Variants in RUFY4 observed in about 807,000 individuals in gnomAD.
The protein encoded by RUFY4 is RUN and FYVE domain containing 4, also known as RUN and FYVE domain-containing protein 4.
A neutral mutation model predicts 69.0 loss-of-function variants in RUFY4; 73 were observed. The ratio of observed to expected loss-of-function variants is 1.06; its 90% CI spans 0.88 to 1.29. RUFY4 has a LOEUF of 1.29. RUFY4 is among the 50% of genes most tolerant of loss of function. RUFY4 has a pLI of 0.00. For missense variants in RUFY4, 770 were observed against 705.6 expected, an observed-to-expected ratio of 1.09 and a Z score of -1.03; for synonymous variants, 287 against 271.8, an observed-to-expected ratio of 1.06 and a Z score of -0.55.
At chr2:218,085,806 G>A (rs1689879861) in intron 9 of RUFY4, among the ~76,000 whole-genome samples, 1 of 152,182 alleles carries the variant, frequency 6.6e-6, no homozygotes, top group African/African-American at 2.4e-5. Flanking sequence ...CTGGCATTTG[G>A]GTGTCTGGTT....
exon 2 of RUFY4, chr2:218,070,770 C>T (rs1265409723): frequency 1.3e-6 from 2 of 1,537,142 alleles, no homozygotes; most frequent in Admixed American, 2.0e-5. Context: ...CTCTGCCATC[C>T]TCCAGGGCTA....
At chr2:218,047,137 C>A (rs1688846511) in intron 2 of RUFY4, among the ~76,000 whole-genome samples, 1 of 149,208 alleles carries the variant, frequency 6.7e-6, no homozygotes, top group Non-Finnish European at 1.5e-5. Flanking sequence ...ACATGAAGTA[C>A]AAAAAGTTAC....
chr2:218,070,960 C>A, intron 2 of RUFY4, 101 bp downstream of exon 4: 1 of 827,776 alleles, frequency 1.2e-6, no homozygotes, highest in South Asian at 1.8e-5. Flanking sequence ...CCCTTCCTTA[C>A]CATGCACTGT....
chr2:218,035,058 C>T (rs744271), exon 1 of RUFY4: 42,162 of 152,214 alleles, frequency 0.28, 8,414 homozygotes, highest in African/African-American at 0.56. Flanking sequence ...GGACCCATCC[C>T]CCATCTCACC....
chr2:218,036,133 G>C (rs1018408779), intron 2 of RUFY4, among the ~76,000 whole-genome samples: 3 of 152,206 alleles, frequency 2.0e-5, no homozygotes, highest in African/African-American at 7.2e-5. Flanking sequence ...GCCTCCCAGG[G>C]TTATGTGGGG....
At chr2:218,075,014 G>T (rs1237322999) in intron 6 of RUFY4, 79 bp from the exon 9 acceptor site, 1 of 1,391,676 alleles carries the variant, frequency 7.2e-7, no homozygotes, top group Non-Finnish European at 9.6e-7. Context: ...GATTAGATTA[G>T]CACTGTGGCC....
At position 218,073,246 on chromosome 2, in the gene RUFY4, A is replaced by G. The variant is rs776288032; in HGVS notation, c.390A>G (p.Glu130=). Reference sequence around the variant, plus strand: ...GTTCTGATCACTGTTAACACAGGGAATGGTATGGACCCCGGAGCCCTCTGC... The same window carrying G: ...GTTCTGATCACTGTTAACACAGGGAGTGGTATGGACCCCGGAGCCCTCTGC... The change falls in exon 5 of 11, where the codon GAA becomes GAG. Residue 130 remains glutamate, a synonymous_variant. Transcript: ENST00000344321. 28 of 1,551,094 alleles carry G rather than the reference A, an allele frequency of 1.8e-5. No individual in the cohort carries two copies. In the South Asian group the frequency reaches 3.0e-4, roughly 16 times the overall value.
chr2:218,070,344 C>T, upstream of RUFY4: 2 of 543,070 alleles, frequency 3.7e-6, no homozygotes, highest in Non-Finnish European at 6.7e-6. Context: ...GGGACAAGGA[C>T]ATCAAGTGTT....
intron 4 of RUFY4, 108 bp downstream of exon 6, chr2:218,072,993 T>A: frequency 9.8e-7 from 1 of 1,019,590 alleles, no homozygotes; most frequent in Non-Finnish European, 1.4e-6. Flanking sequence ...CAAGGACAGT[T>A]ACAATGAGAG....
rs747485182 is a variant in RUFY4 at position 218,073,357 on chromosome 2, C to G, written c.501C>G (p.Asp167Glu). 65 of 1,592,074 alleles carry G rather than the reference C, an allele frequency of 4.1e-5. No individual in the cohort carries two copies. Among genetic ancestry groups the G allele is most frequent in the Non-Finnish European group, 5.4e-5 (63 of 1,169,004 alleles). Residue 167 changes from aspartate to glutamate, a missense_variant, in exon 5 of 11, where the codon GAC becomes GAG. Asp to Glu is a conservative substitution (Grantham distance 45, BLOSUM62 2). Transcript: ENST00000344321. ...TCGAGTTGGACCTCCAGCAGCCAGA[C>G]CTGGATGGAGCCTGGCCCATGTTCT...
chr2:218,063,787 A>T (rs1291858109), intron 3 of RUFY4, among the ~76,000 whole-genome samples: 1 of 152,152 alleles, frequency 6.6e-6, no homozygotes, highest in Non-Finnish European at 1.5e-5. Flanking sequence ...GGCCCCTGCA[A>T]GTGCTGTATT....
At chr2:218,073,726 C>A (rs1361559218) in intron 5 of RUFY4, 90 bp from the exon 8 acceptor site, 1 of 1,375,530 alleles carries the variant, frequency 7.3e-7, no homozygotes, top group Non-Finnish European at 1.0e-6. Context: ...GGGATGAATG[C>A]GCTAGTGGAA....
At chr2:218,073,674 G>A (rs548716187) in intron 5 of RUFY4, 142 bp from the exon 8 acceptor site, 202 of 901,742 alleles carry the variant, frequency 2.2e-4, no homozygotes, top group African/African-American at 2.2e-3. Flanking sequence ...AATGGAGGAT[G>A]GGATGCATGA....
intron 3 of RUFY4, among the ~76,000 whole-genome samples, chr2:218,063,814 C>G (rs1384363429): frequency 6.6e-6 from 1 of 152,184 alleles, no homozygotes; most frequent in Non-Finnish European, 1.5e-5. Flanking sequence ...AATAATCTCA[C>G]CACCTTACAC....
chr2:218,089,508 C>G, intron 10 of RUFY4, 146 bp downstream of exon 12: 1 of 671,906 alleles, frequency 1.5e-6, no homozygotes, highest in South Asian at 1.8e-5. Flanking sequence ...TCTACCACAT[C>G]TGGCTTCCAA....
intron 9 of RUFY4, among the ~76,000 whole-genome samples, chr2:218,087,736 G>A (rs1264035399): frequency 6.6e-6 from 1 of 152,160 alleles, no homozygotes; most frequent in African/African-American, 2.4e-5. Context: ...GGCCAAGGCA[G>A]GAGAATCACT....
At chr2:218,084,126 G>C (rs575544994) in intron 9 of RUFY4, among the ~76,000 whole-genome samples, 2 of 152,286 alleles carry the variant, frequency 1.3e-5, no homozygotes, top group African/African-American at 4.8e-5. Context: ...TAGTTGAGTA[G>C]AAAGAGAGTT....
At position 218,079,028 on chromosome 2, in the gene RUFY4, C is replaced by A. The variant is rs577256001; in HGVS notation, c.1355+2495C>A. ...GATTACAGACACCTGCCACCACGCC[C>A]AGCTAATTTTTTGTATTTTTAGTAG... On this transcript the variant is annotated intron_variant, in intron 8 of 10. Coordinates refer to ENST00000344321, the Ensembl canonical transcript of RUFY4. 3.3e-5 allele frequency among the ~76,000 whole-genome samples: 5 copies of A among 152,280 alleles called. No homozygotes were observed. In the East Asian group the frequency reaches 9.6e-4, roughly 29 times the overall value.
intron 2 of RUFY4, 99 bp downstream of exon 4, chr2:218,070,958 T>G: frequency 2.4e-6 from 2 of 827,878 alleles, no homozygotes; most frequent in Non-Finnish European, 3.7e-6. Context: ...CCCCCTTCCT[T>G]ACCATGCACT....
Sources: gnomAD v4.1 joint callset for allele counts (sites outside exome capture counted in the v4.1 genomes callset) on GRCh38, gnomAD v4.1.1 for gene constraint, MANE v1.5 for transcripts, NCBI Gene and HGNC (gene_info 2026-07-23, HGNC 2026-07-21) for gene names.